PCSK5: variants seen among roughly 807,000 people sequenced by gnomAD.
The protein encoded by PCSK5 is prohormone convertase 5.
PCSK5 carries 129 observed loss-of-function variants against 233.2 expected under a neutral mutation model. The ratio of observed to expected loss-of-function variants is 0.55; its 90% confidence interval spans 0.48 to 0.64. The LOEUF is 0.64. Ranked by LOEUF, PCSK5 falls within the 30% of genes least tolerant of loss-of-function variation. The pLI is 0.00. For missense variants in PCSK5, 2,076 were observed against 2,430.1 expected (o/e 0.85, Z 3.06); for synonymous variants, 825 against 879.2 (o/e 0.94, Z 1.09).
In PCSK5 at chr9:75,900,922, C is replaced by G. The variant is rs145522137; in HGVS notation, c.192+9549C>G. ...TCATTCATGATTGTATCCCCAGCACCTAGAACAGTGTGTGGTACAGGAGAA... is the reference window on the plus strand; with the variant it reads ...TCATTCATGATTGTATCCCCAGCACGTAGAACAGTGTGTGGTACAGGAGAA... On this transcript the variant is annotated intron_variant, in intron 1 of 37. Coordinates refer to ENST00000674117, the MANE Select transcript of PCSK5 (RefSeq NM_001372043.1). Among the ~76,000 whole-genome samples, 79 of 152,066 alleles carry G rather than the reference C, an allele frequency of 5.2e-4. No individual in the cohort carries two copies. The East Asian group carries it at 0.015, about 28-fold the overall frequency.
In PCSK5 at chr9:76,309,059, A is replaced by C. The variant is rs554811720; in HGVS notation, c.3688+331A>C. 4.5e-4 allele frequency among the ~76,000 whole-genome samples: 68 copies of C among 152,120 alleles called. 1 individual carries two copies. The highest frequency in any genetic ancestry group is 7.2e-4 in the Non-Finnish European group (49 of 68,016). On this transcript the variant is annotated intron_variant, in intron 29 of 37. Transcript: ENST00000674117. ...ATAGTGAGACCCCATCTCTATAAAA[A>C]TTTTAAAAATTAGCTGGGCATGGTG...
At chr9:75,906,262 G>T (rs1343719818) in intron 1 of PCSK5, among the ~76,000 whole-genome samples, 1 of 152,070 alleles carries the variant, frequency 6.6e-6, no homozygotes, top group Non-Finnish European at 1.5e-5. Context: ...GTCTCCCACT[G>T]TCGCCTAGGC....
chr9:76,071,944 G>A (rs1449012627), intron 7 of PCSK5, 46 bp downstream of exon 7: 3 of 1,536,714 alleles, frequency 2.0e-6, no homozygotes, highest in Non-Finnish European at 2.7e-6. Flanking sequence ...GATGGGTGAT[G>A]ATTCTCATAT....
Position 76,302,211 on chromosome 9 carries a change from A to T in PCSK5, c.3598A>T (p.Lys1200Ter). 7.5e-7 allele frequency: 1 copy of T among 1,341,656 alleles called. No homozygotes were observed. The highest frequency in any genetic ancestry group is 9.9e-7 in the Non-Finnish European group (1 of 1,005,484). 83.1% of individuals were successfully genotyped at this position (1,341,656 alleles called of 1,614,324 possible). ...QERRRWKVQI[K>*]RDILRKLQPC... ...GCGACGAAGGTGGAAAGTTCAAATCAAAAGAGGTAACAGGGAAATAGGGAG... is the reference window on the plus strand; with the variant it reads ...GCGACGAAGGTGGAAAGTTCAAATCTAAAGAGGTAACAGGGAAATAGGGAG... Residue 1200 changes from lysine to a stop codon, truncating the protein, a stop_gained, in exon 28 of 38, where the codon AAA becomes TAA. Transcript: ENST00000674117. LOFTEE classifies it high-confidence loss of function.
At position 75,986,253 on chromosome 9, in the gene PCSK5, T is replaced by G. The variant is rs769234190; in HGVS notation, c.411+8T>G. On this transcript the variant is annotated splice_region_variant and intron_variant, in intron 3 of 37. Coordinates refer to ENST00000674117, the MANE Select transcript of PCSK5 (RefSeq NM_001372043.1). ...CCCAGCATGTGGTATATGGTAAGCT[T>G]GCTAAGGAAGCCTGGCCTAGGGCCA... 11 of 1,532,000 alleles carry G rather than the reference T, an allele frequency of 7.2e-6. 1 individual carries two copies. The South Asian group carries it at 1.1e-4, about 16-fold the overall frequency. 94.9% of individuals were successfully genotyped at this position (1,532,000 alleles called of 1,614,324 possible).
intron 3 of PCSK5, among the ~76,000 whole-genome samples, chr9:76,002,629 C>G (rs897900394): frequency 1.3e-5 from 2 of 152,040 alleles, no homozygotes; most frequent in African/African-American, 4.8e-5. Context: ...TTCAGTTTGT[C>G]CAGAGGGTAC....
rs139206713 is a variant in PCSK5, at chr9:76,215,483, G to A, written c.2627-12020G>A. Among the ~76,000 whole-genome samples, 246 of 152,270 alleles carry A rather than the reference G, an allele frequency of 1.6e-3. 1 individual carries two copies. Among genetic ancestry groups the A allele is most frequent in the African/African-American group, 4.3e-3 (179 of 41,544 alleles). ...TGAAGGCCCAGGACCCCCGATATGGGGCCCAGACTTGTTTCACTGGTTGCT... is the reference window on the plus strand; with the variant it reads ...TGAAGGCCCAGGACCCCCGATATGGAGCCCAGACTTGTTTCACTGGTTGCT... On this transcript the variant is annotated intron_variant, in intron 20 of 37. Coordinates refer to ENST00000674117, the MANE Select transcript of PCSK5 (RefSeq NM_001372043.1).
intron 5 of PCSK5, among the ~76,000 whole-genome samples, chr9:76,058,596 C>T (rs1050037076): frequency 6.6e-5 from 10 of 152,078 alleles, no homozygotes; most frequent in Admixed American, 3.3e-4. Context: ...AGGAGCGTCT[C>T]CCTCAAGCCT....
intron 1 of PCSK5, among the ~76,000 whole-genome samples, chr9:75,910,244 G>A (rs1822666286): frequency 6.6e-6 from 1 of 152,160 alleles, no homozygotes; most frequent in Non-Finnish European, 1.5e-5. Context: ...GAAAAAGATT[G>A]TGATACTCTG....
chr9:76,144,953 C>A (rs1303825531), intron 10 of PCSK5, among the ~76,000 whole-genome samples: 1 of 152,016 alleles, frequency 6.6e-6, no homozygotes, highest in African/African-American at 2.4e-5. Context: ...TGGTGAAACC[C>A]CATCTCTACT....
chr9:76,296,912 C>T (rs951318084), intron 27 of PCSK5, 47 bp downstream of exon 27: 2 of 1,194,020 alleles, frequency 1.7e-6, no homozygotes, highest in Non-Finnish European at 2.5e-6. Flanking sequence ...GCGACCTACT[C>T]TGCTTCCCTC....
chr9:76,220,482 G>A (rs1030660562), intron 20 of PCSK5, among the ~76,000 whole-genome samples: 5 of 146,292 alleles, frequency 3.4e-5, no homozygotes, highest in Non-Finnish European at 4.5e-5. Flanking sequence ...AGCTGAAAAT[G>A]CGCCACAGCA....
intron 24 of PCSK5, among the ~76,000 whole-genome samples, chr9:76,263,443 A>C (rs552496416): frequency 6.6e-6 from 1 of 152,296 alleles, no homozygotes; most frequent in African/African-American, 2.4e-5. Context: ...GAATACTATA[A>C]AGCCATAAAA....
At chr9:76,272,314 G>A (rs1470736416) in intron 24 of PCSK5, among the ~76,000 whole-genome samples, 1 of 152,030 alleles carries the variant, frequency 6.6e-6, no homozygotes, top group Admixed American at 6.6e-5. Flanking sequence ...CATTCCCCCA[G>A]ATACCACATC....
At chr9:76,000,940 T>G (rs556791665) in intron 3 of PCSK5, among the ~76,000 whole-genome samples, 11 of 152,224 alleles carry the variant, frequency 7.2e-5, no homozygotes, top group African/African-American at 2.6e-4. Flanking sequence ...AAACTCATAT[T>G]TAGAGACCAC....
At chr9:76,109,736 G>GA (rs1832132622) in intron 9 of PCSK5, among the ~76,000 whole-genome samples, 1 of 152,060 alleles carries the variant, frequency 6.6e-6, no homozygotes, top group Non-Finnish European at 1.5e-5. Flanking sequence ...TGAACTATCT[G>GA]ATAAACTCAG....
At chr9:76,307,919 C>T (rs1009167223) in intron 28 of PCSK5, among the ~76,000 whole-genome samples, 2 of 152,040 alleles carry the variant, frequency 1.3e-5, no homozygotes, top group African/African-American at 4.8e-5. Flanking sequence ...GTCATCCGGC[C>T]GGGCGCGGTG....
chr9:76,293,917 C>G (rs1175457382), intron 25 of PCSK5, among the ~76,000 whole-genome samples: 1 of 152,218 alleles, frequency 6.6e-6, no homozygotes, highest in East Asian at 1.9e-4. Context: ...GACATTGTTG[C>G]TGGGCGTGTT....
intron 24 of PCSK5, among the ~76,000 whole-genome samples, chr9:76,288,734 T>A (rs1307466477): frequency 1.3e-5 from 2 of 152,176 alleles, no homozygotes; most frequent in Non-Finnish European, 2.9e-5. Flanking sequence ...CTGCATGGGG[T>A]TGCCATGGTT....
Sources: allele counts gnomAD v4.1 joint callset (sites outside exome capture counted in the v4.1 genomes callset), GRCh38; gene constraint gnomAD v4.1.1; transcripts MANE v1.5; gene names NCBI Gene and HGNC (gene_info 2026-07-23, HGNC 2026-07-21).